KCNN2: variants seen among roughly 807,000 people sequenced by gnomAD.
KCNN2 encodes potassium calcium-activated channel subfamily N member 2.
Under a neutral mutation model 55.5 loss-of-function variants are expected in KCNN2, and 24 were observed. That is an observed-to-expected ratio of 0.43 (90% confidence interval 0.31 to 0.61). The LOEUF is 0.61. Among genes scored for constraint, KCNN2 ranks in the 20% least tolerant of loss-of-function variants. The probability of loss-of-function intolerance (pLI) is 0.08; values close to 1 mark genes in which losing one functional copy is unlikely to be tolerated. For synonymous variants in KCNN2, 431 were observed against 336.1 expected (o/e 1.28, Z -3.09); for missense variants, 754 against 853.6 (o/e 0.88, Z 1.45).
intron 1 of KCNN2, among the ~76,000 whole-genome samples, chr5:114,136,638 C>T (rs139323958): frequency 0.031 from 4,708 of 152,160 alleles, 258 homozygotes; most frequent in African/African-American, 0.11. Flanking sequence ...CTCTGTATAT[C>T]ATTAATTTAA....
chr5:114,271,530 C>A (rs1331074632), intron 2 of KCNN2, among the ~76,000 whole-genome samples: 2 of 152,152 alleles, frequency 1.3e-5, no homozygotes, highest in African/African-American at 4.8e-5. Context: ...ATACTATCCT[C>A]AAGGTGTATA....
At chr5:114,099,639 A>G (rs186007192) in intron 1 of KCNN2, among the ~76,000 whole-genome samples, 1 of 152,138 alleles carries the variant, frequency 6.6e-6, no homozygotes, top group Admixed American at 6.5e-5. Context: ...ACCATACCTG[A>G]CTTAGAGTCT....
chr5:114,323,649 A>ATTTTTTTT (rs6149185), intron 2 of KCNN2, among the ~76,000 whole-genome samples: 2,344 of 85,056 alleles, frequency 0.028, 357 homozygotes, highest in African/African-American at 0.09. Flanking sequence ...AAACATATCA[A>ATTTTTTTT]TTTTTTTTTT....
chr5:114,401,388 C>T (rs148189215), intron 2 of KCNN2, among the ~76,000 whole-genome samples: 3 of 152,198 alleles, frequency 2.0e-5, no homozygotes, highest in East Asian at 1.9e-4. Context: ...CATTATGCTT[C>T]GGTATTCTCA....
chr5:114,465,064 G>T (rs528642686), intron 4 of KCNN2, among the ~76,000 whole-genome samples: 2 of 152,158 alleles, frequency 1.3e-5, no homozygotes, highest in African/African-American at 4.8e-5. Flanking sequence ...TGTCAAGATG[G>T]TACCCTCTTT....
intron 1 of KCNN2, among the ~76,000 whole-genome samples, chr5:114,152,807 G>A (rs555007200): frequency 1.3e-5 from 2 of 152,224 alleles, no homozygotes; most frequent in South Asian, 2.1e-4. Flanking sequence ...AGAGATGCCA[G>A]CATGTAAAAA....
At chr5:114,419,425 T>C (rs1759407532) in intron 3 of KCNN2, among the ~76,000 whole-genome samples, 1 of 152,272 alleles carries the variant, frequency 6.6e-6, no homozygotes, top group African/African-American at 2.4e-5. Flanking sequence ...CACAATGTGA[T>C]ATTTTCAATT....
At chr5:114,334,897 G>T (rs1357491790) in intron 2 of KCNN2, among the ~76,000 whole-genome samples, 1 of 152,066 alleles carries the variant, frequency 6.6e-6, no homozygotes, top group Non-Finnish European at 1.5e-5. Flanking sequence ...TGTTTCAAGG[G>T]TGATTCCACT....
intron 1 of KCNN2, among the ~76,000 whole-genome samples, chr5:114,214,938 G>C (rs114156875): frequency 0.03 from 4,557 of 152,140 alleles, 233 homozygotes; most frequent in African/African-American, 0.1. Flanking sequence ...GAAGAAACAG[G>C]TAGTATCATT....
chr5:114,139,740 G>T (rs185582758), intron 1 of KCNN2, among the ~76,000 whole-genome samples: 2 of 150,898 alleles, frequency 1.3e-5, no homozygotes, highest in East Asian at 3.9e-4. Flanking sequence ...ATCAGAACTG[G>T]CTCTACATAC....
chr5:114,420,555 C>T (rs1455896360), intron 3 of KCNN2, among the ~76,000 whole-genome samples: 1 of 152,164 alleles, frequency 6.6e-6, no homozygotes, highest in Non-Finnish European at 1.5e-5. Context: ...ACTAAGACCT[C>T]TTATGAAGTT....
chr5:114,434,142 T>C (rs2150089169), intron 3 of KCNN2, among the ~76,000 whole-genome samples: 1 of 152,090 alleles, frequency 6.6e-6, no homozygotes, highest in South Asian at 2.1e-4. Flanking sequence ...ATATATGATT[T>C]CACTTTTTAT....
At chr5:114,306,304 A>C (rs964078144) in intron 2 of KCNN2, among the ~76,000 whole-genome samples, 9 of 152,230 alleles carry the variant, frequency 5.9e-5, no homozygotes, top group African/African-American at 2.2e-4. Context: ...GACTGGGGCT[A>C]CTACTTGGTT....
At chr5:114,223,958 C>T (rs1754193727) in intron 2 of KCNN2, among the ~76,000 whole-genome samples, 1 of 152,142 alleles carries the variant, frequency 6.6e-6, no homozygotes, top group Admixed American at 6.5e-5. Flanking sequence ...AAACTAGAAT[C>T]AGTTGTACTA....
intron 2 of KCNN2, among the ~76,000 whole-genome samples, chr5:114,229,749 T>G (rs1228981164): frequency 1.9e-5 from 1 of 53,660 alleles, no homozygotes; most frequent in Admixed American, 2.2e-4. Context: ...GTCTAATTAC[T>G]GTTGTGGTAC....
chr5:114,416,282 G>T (rs1759301447), intron 3 of KCNN2, among the ~76,000 whole-genome samples: 2 of 152,168 alleles, frequency 1.3e-5, no homozygotes, highest in Non-Finnish European at 2.9e-5. Flanking sequence ...AGTTGAGGTA[G>T]TAATTTGTTT....
chr5:114,421,371 A>C (rs1759466139), intron 3 of KCNN2, among the ~76,000 whole-genome samples: 1 of 152,150 alleles, frequency 6.6e-6, no homozygotes, highest in Non-Finnish European at 1.5e-5. Context: ...GCTCACTGCA[A>C]CCACCACCTC....
chr5:114,390,042 C>A (rs1225502894), intron 2 of KCNN2, among the ~76,000 whole-genome samples: 1 of 152,056 alleles, frequency 6.6e-6, no homozygotes, highest in African/African-American at 2.4e-5. Context: ...CTTCTAAGGG[C>A]AAATGAGATA....
chr5:114,183,737 T>G (rs1580597711), intron 1 of KCNN2, among the ~76,000 whole-genome samples: 1 of 152,172 alleles, frequency 6.6e-6, no homozygotes, highest in African/African-American at 2.4e-5. Flanking sequence ...CTTTTTTTTT[T>G]TCTTTTTAAC....
Sources: gnomAD v4.1 joint callset for allele counts (sites outside exome capture counted in the v4.1 genomes callset) on GRCh38, gnomAD v4.1.1 for gene constraint, MANE v1.5 for transcripts, NCBI Gene and HGNC (gene_info 2026-07-23, HGNC 2026-07-21) for gene names.